The following UNC79 variants were observed in gnomAD, a reference collection of about 807,000 sequenced individuals.
UNC79 encodes unc-79 subunit of NALCN channel complex.
UNC79 carries 37 observed loss-of-function variants against 283.1 expected under a neutral mutation model. The ratio of observed to expected loss-of-function variants is 0.13; its 90% CI spans 0.10 to 0.17. The LOEUF is 0.17. UNC79 is among the 10% of genes least tolerant of loss of function. The pLI, the probability that UNC79 is intolerant of heterozygous loss-of-function variation, is 1.00. For synonymous variants in UNC79, 1,107 were observed against 1,200.2 expected (o/e 0.92, Z 1.61); for missense variants, 2,272 against 3,211.1 (o/e 0.71, Z 7.07).
chr14:93,634,539 A>G (rs1269586427), intron 31 of UNC79: 1 of 1,614,004 alleles, frequency 6.2e-7, no homozygotes, highest in Non-Finnish European at 8.5e-7. Flanking sequence ...AGGCAGATGA[A>G]AAGGGGATCC....
chr14:93,561,437 G>C (rs1313674782), intron 14 of UNC79, among the ~76,000 whole-genome samples: 1 of 152,096 alleles, frequency 6.6e-6, no homozygotes, highest in Non-Finnish European at 1.5e-5. Flanking sequence ...GTAAAGGTGA[G>C]GGCTATTAAA....
At position 93,580,108 on chromosome 14, in the gene UNC79, TTGTG is replaced by T. The variant is rs535994924; in HGVS notation, c.2434-32_2434-29del. On this transcript the variant is annotated intron_variant, in intron 18 of 48. Transcript: ENST00000555664. Reference sequence around the variant, plus strand: ...CAAACTCCTTCTTCTTCTTTTTTTTTTGTGTGTGTGTGCGTGTGTCCTTTTTTTG... The same window carrying T: ...CAAACTCCTTCTTCTTCTTTTTTTTTTGTGTGTGCGTGTGTCCTTTTTTTG... 307 of 1,500,868 alleles carry T rather than the reference TTGTG, an allele frequency of 2.0e-4. No individual in the cohort carries two copies. The African/African-American group carries it at 4.0e-3, about 20-fold the overall frequency. 93.0% of individuals were successfully genotyped at this position (1,500,868 alleles called of 1,614,324 possible). A position where few individuals can be genotyped will look rare whatever the true frequency, so the allele number is the denominator to read the frequency against.
At chr14:93,355,154 T>C (rs1160298119) in intron 1 of UNC79, among the ~76,000 whole-genome samples, 1 of 151,068 alleles carries the variant, frequency 6.6e-6, no homozygotes, top group Admixed American at 6.6e-5. Flanking sequence ...CTCAGCCTCC[T>C]GAGTAGCTGG....
exon 17 of UNC79, chr14:93,575,114 T>C: frequency 6.2e-7 from 1 of 1,614,024 alleles, no homozygotes; most frequent in Non-Finnish European, 8.5e-7. Flanking sequence ...GTATGTTTTC[T>C]GATGGAGTTA....
intron 1 of UNC79, among the ~76,000 whole-genome samples, chr14:93,361,961 TTTAG>T (rs2054237134): frequency 6.6e-6 from 1 of 152,238 alleles, no homozygotes; most frequent in Admixed American, 6.5e-5. Context: ...CTTGTGGTTT[TTTAG>T]TTCTGTTCAT....
chr14:93,595,051 T>C (rs540956265), intron 23 of UNC79, among the ~76,000 whole-genome samples: 26 of 152,070 alleles, frequency 1.7e-4, no homozygotes, highest in Admixed American at 4.6e-4. Context: ...ATCTCGGCTC[T>C]GGTTATGTTA....
intron 1 of UNC79, among the ~76,000 whole-genome samples, chr14:93,423,686 T>C (rs1195121777): frequency 1.3e-5 from 2 of 152,364 alleles, no homozygotes; most frequent in Admixed American, 1.3e-4. Flanking sequence ...ACTAGACTCC[T>C]ATTTCTCACC....
intron 22 of UNC79, among the ~76,000 whole-genome samples, chr14:93,590,873 T>A (rs563883091): frequency 6.6e-6 from 1 of 152,326 alleles, no homozygotes; most frequent in South Asian, 2.1e-4. Flanking sequence ...ACAAATTATA[T>A]CTTCTTTTTC....
At chr14:93,595,788 T>G (rs912481350) in intron 23 of UNC79, among the ~76,000 whole-genome samples, 2 of 152,218 alleles carry the variant, frequency 1.3e-5, no homozygotes, top group Non-Finnish European at 2.9e-5. Flanking sequence ...CAAAGTCATA[T>G]TTCAGCTATA....
chr14:93,371,105 GT>G (rs1320336889), intron 1 of UNC79, among the ~76,000 whole-genome samples: 1 of 152,116 alleles, frequency 6.6e-6, no homozygotes, highest in Non-Finnish European at 1.5e-5. Context: ...ACAGGGGTGG[GT>G]GCGGGGTGGC....
intron 41 of UNC79, among the ~76,000 whole-genome samples, chr14:93,674,886 C>T (rs2073197240): frequency 6.6e-6 from 1 of 152,198 alleles, no homozygotes; most frequent in South Asian, 2.1e-4. Flanking sequence ...TGTGTTAGGG[C>T]TCAGAGCCCA....
At chr14:93,619,067 C>G (rs553399268) in intron 29 of UNC79, among the ~76,000 whole-genome samples, 19 of 152,062 alleles carry the variant, frequency 1.2e-4, no homozygotes, top group Non-Finnish European at 2.6e-4. Context: ...GTCCACTGAC[C>G]CTTTATGAGG....
intron 14 of UNC79, among the ~76,000 whole-genome samples, chr14:93,559,350 G>A (rs975679444): frequency 6.6e-6 from 1 of 152,224 alleles, no homozygotes; most frequent in African/African-American, 2.4e-5. Flanking sequence ...ACTAAGTTAG[G>A]TTTTTAATCT....
At chr14:93,347,142 G>A in intron 1 of UNC79, 1 of 1,136,112 alleles carries the variant, frequency 8.8e-7, no homozygotes, top group Non-Finnish European at 1.2e-6. Flanking sequence ...AGGGGGCGAG[G>A]GCAGAGCGCC....
At chr14:93,540,947 C>CA (rs1316667020) in intron 13 of UNC79, 116 bp downstream of exon 13, 1 of 1,315,962 alleles carries the variant, frequency 7.6e-7, no homozygotes, top group Non-Finnish European at 1.1e-6. Context: ...TTAACCTTAG[C>CA]AATGGGGCTG....
chr14:93,576,030 C>A (rs950783130), intron 17 of UNC79, among the ~76,000 whole-genome samples: 2 of 152,190 alleles, frequency 1.3e-5, no homozygotes, highest in African/African-American at 4.8e-5. Context: ...AGCTGCTAAC[C>A]ATCTGTACTT....
chr14:93,351,902 G>T (rs2053986294), intron 1 of UNC79, among the ~76,000 whole-genome samples: 1 of 152,184 alleles, frequency 6.6e-6, no homozygotes, highest in African/African-American at 2.4e-5. Flanking sequence ...CCTACACTTT[G>T]AAGGACTATC....
In UNC79 at chr14:93,697,044, TG is replaced by T. The variant is rs565071314; in HGVS notation, c.7548+2633del. ...AAATACTATACTTTCTCCGTCAAATTGCCTTTGCACTTTTGTCAAAAATCAA... is the reference window on the plus strand; with the variant it reads ...AAATACTATACTTTCTCCGTCAAATTCCTTTGCACTTTTGTCAAAAATCAA... On this transcript the variant is annotated intron_variant, in intron 47 of 48. Transcript: ENST00000555664. Among the ~76,000 whole-genome samples the T allele has an allele frequency of 5.4e-4, 82 of 152,352 alleles. 2 individuals are homozygous for T. The South Asian group carries it at 6.8e-3, about 13-fold the overall frequency.
At chr14:93,581,018 C>A (rs1212146114) in intron 19 of UNC79, among the ~76,000 whole-genome samples, 4 of 151,402 alleles carry the variant, frequency 2.6e-5, no homozygotes, top group Non-Finnish European at 5.9e-5. Flanking sequence ...CAAATGTATG[C>A]ATTTTTAAAT....
Sources: gnomAD v4.1 joint callset for allele counts (sites outside exome capture counted in the v4.1 genomes callset) on GRCh38, gnomAD v4.1.1 for gene constraint, MANE v1.5 for transcripts, NCBI Gene and HGNC (gene_info 2026-07-23, HGNC 2026-07-21) for gene names.